Variants in CNTNAP3B observed in about 807,000 individuals in gnomAD.
CNTNAP3B encodes contactin-associated protein-like 3B.
CNTNAP3B carries 25 observed loss-of-function variants against 108.9 expected under a neutral mutation model. That is an observed-to-expected ratio of 0.23 (90% CI 0.17 to 0.32). The LOEUF is 0.32. Ranked by LOEUF, CNTNAP3B falls within the 10% of genes least tolerant of loss-of-function variation. CNTNAP3B has a pLI of 1.00. For missense variants in CNTNAP3B, 252 were observed against 1,210.4 expected (o/e 0.21, Z 11.75); for synonymous variants, 103 against 473.4 (o/e 0.22, Z 10.16).
chr9:42,116,775 A>G (rs1354295089), intron 1 of CNTNAP3B, among the ~76,000 whole-genome samples: 1 of 139,140 alleles, frequency 7.2e-6, no homozygotes, highest in Non-Finnish European at 1.5e-5. Flanking sequence ...TATTCAGCAG[A>G]CCCTGCTCAC....
At chr9:41,955,136 C>T in intron 12 of CNTNAP3B, among the ~76,000 whole-genome samples, 1 of 146,074 alleles carries the variant, frequency 6.8e-6, no homozygotes, top group Non-Finnish European at 1.5e-5. Context: ...CATTTTTGGC[C>T]ATGTGTTCAT....
At chr9:41,986,612 A>T (rs1431557069) in intron 8 of CNTNAP3B, among the ~76,000 whole-genome samples, 3 of 151,324 alleles carry the variant, frequency 2.0e-5, no homozygotes, top group Non-Finnish European at 4.4e-5. Flanking sequence ...ACAATGGGAT[A>T]AAAACAACAC....
chr9:42,031,360 C>A (rs1466113339), intron 3 of CNTNAP3B, among the ~76,000 whole-genome samples: 2 of 125,948 alleles, frequency 1.6e-5, no homozygotes, highest in Non-Finnish European at 3.3e-5. Flanking sequence ...CTCGACTCAG[C>A]TTCAATCCAC....
At chr9:41,941,891 C>A (rs1446196381) in intron 13 of CNTNAP3B, among the ~76,000 whole-genome samples, 2 of 152,014 alleles carry the variant, frequency 1.3e-5, no homozygotes, top group African/African-American at 2.4e-5. Context: ...CCATCAAGTT[C>A]TCAGAATAAA....
chr9:41,954,832 C>A (rs1361928125), intron 12 of CNTNAP3B, among the ~76,000 whole-genome samples: 1 of 152,252 alleles, frequency 6.6e-6, no homozygotes, highest in African/African-American at 2.4e-5. Flanking sequence ...TACAGGCACA[C>A]ACCACCACAC....
chr9:42,061,312 T>C (rs1160557376), intron 3 of CNTNAP3B, among the ~76,000 whole-genome samples: 1 of 95,934 alleles, frequency 1.0e-5, no homozygotes, highest in Non-Finnish European at 2.1e-5. Context: ...CTGAATTTTC[T>C]TTTTCTTTTT....
Position 42,088,519 on chromosome 9 carries a change from C to T in CNTNAP3B, c.197-11457G>A, listed in dbSNP as rs574970677. ...ATATGCTGCTGAAGCATACTCTTTG[C>T]GTAAGTAAGTAAGATTAATTTCTTT... On this transcript the variant is annotated intron_variant, in intron 2 of 23. Transcript: ENST00000377561. Among the ~76,000 whole-genome samples, 69 of 138,066 alleles carry T rather than the reference C, an allele frequency of 5.0e-4. 13 individuals are homozygous for T. In the East Asian group the frequency reaches 0.01, roughly 20 times the overall value. 90.6% of individuals were successfully genotyped at this position (138,066 alleles called of 152,430 possible).
chr9:42,051,704 AATTT>A (rs1279120386), intron 3 of CNTNAP3B, among the ~76,000 whole-genome samples: 4 of 141,086 alleles, frequency 2.8e-5, no homozygotes, highest in African/African-American at 1.1e-4. Flanking sequence ...TGTTAATGTA[AATTT>A]ATTGGCCGTT....
At chr9:42,087,496 A>G (rs1827730088) in intron 2 of CNTNAP3B, among the ~76,000 whole-genome samples, 1 of 137,966 alleles carries the variant, frequency 7.2e-6, no homozygotes, top group Non-Finnish European at 1.6e-5. Context: ...GCTGCAATAC[A>G]AGTCTGCTAT....
intron 11 of CNTNAP3B, among the ~76,000 whole-genome samples, chr9:41,963,770 A>T (rs1358080081): frequency 2.6e-5 from 4 of 152,098 alleles, no homozygotes; most frequent in Non-Finnish European, 5.9e-5. Context: ...CCTTAGCTCA[A>T]CTCCTCATCT....
intron 11 of CNTNAP3B, among the ~76,000 whole-genome samples, chr9:41,962,731 G>A (rs1393716209): frequency 1.3e-5 from 2 of 151,024 alleles, no homozygotes; most frequent in African/African-American, 2.5e-5. Flanking sequence ...CAAGGCAGGT[G>A]GATCACAAGG....
At chr9:41,924,964 C>G (rs1823773254) in intron 15 of CNTNAP3B, among the ~76,000 whole-genome samples, 1 of 151,934 alleles carries the variant, frequency 6.6e-6, no homozygotes, top group African/African-American at 2.4e-5. Context: ...GTCAAAAATA[C>G]CACAGAAGGG....
intron 11 of CNTNAP3B, among the ~76,000 whole-genome samples, chr9:41,963,992 C>T (rs1324224258): frequency 8.6e-5 from 13 of 151,358 alleles, no homozygotes; most frequent in African/African-American, 3.1e-4. Context: ...CAAAGAAAAT[C>T]ACAGTCATTG....
At chr9:41,919,260 G>C (rs1034609482) in intron 18 of CNTNAP3B, among the ~76,000 whole-genome samples, 1 of 148,436 alleles carries the variant, frequency 6.7e-6, no homozygotes, top group East Asian at 2.0e-4. Flanking sequence ...TCAGCCTCCC[G>C]AGTAGCTGGG....
At chr9:41,930,340 C>G (rs1235798057) in intron 14 of CNTNAP3B, among the ~76,000 whole-genome samples, 1 of 152,274 alleles carries the variant, frequency 6.6e-6, no homozygotes, top group Non-Finnish European at 1.5e-5. Flanking sequence ...CTCTGGAGTT[C>G]GAAACCAGCC....
At position 41,969,824 on chromosome 9, in the gene CNTNAP3B, C is replaced by T. The variant is rs543865786; in HGVS notation, c.1649+250G>A. Among the ~76,000 whole-genome samples the T allele has an allele frequency of 3.6e-3, 431 of 121,398 alleles. 8 individuals carry two copies. The highest frequency in any genetic ancestry group is 0.013 in the African/African-American group (407 of 30,466). The allele number at this position is 121,398 out of a possible 152,430, so 79.6% of individuals were successfully genotyped here. A position where few individuals can be genotyped will look rare whatever the true frequency, so the allele number is the denominator to read the frequency against. On this transcript the variant is annotated intron_variant, in intron 10 of 23. Coordinates refer to ENST00000377561, the MANE Select transcript of CNTNAP3B (RefSeq NM_001201380.3). ...TATTTTTAGTAGAGACGGGGTTTCA[C>T]CATGTTAGCCAGGATGAAGTTGATC... is the stretch of plus-strand genomic sequence containing the variant.
At position 42,116,776 on chromosome 9, in the gene CNTNAP3B, C is replaced by A. The variant is rs1263667663; in HGVS notation, c.86-12037G>T. 1.4e-5 allele frequency among the ~76,000 whole-genome samples: 2 copies of A among 138,834 alleles called. 1 individual carries two copies. The highest frequency in any genetic ancestry group is 3.1e-5 in the Non-Finnish European group (2 of 64,906). 91.1% of individuals were successfully genotyped at this position (138,834 alleles called of 152,430 possible). Reference sequence around the variant, plus strand: ...CCATCAGTGTGCTGTATTCAGCAGACCCTGCTCACGTGCAGAGACACACAT... The same window carrying A: ...CCATCAGTGTGCTGTATTCAGCAGAACCTGCTCACGTGCAGAGACACACAT... On this transcript the variant is annotated intron_variant, in intron 1 of 23. Transcript: ENST00000377561.
intron 15 of CNTNAP3B, among the ~76,000 whole-genome samples, chr9:41,925,230 G>T (rs1164229612): frequency 6.8e-6 from 1 of 147,536 alleles, no homozygotes; most frequent in Admixed American, 6.7e-5. Flanking sequence ...TATTCTGATG[G>T]CTGCCAATAG....
rs886209939 is a variant in CNTNAP3B at position 42,037,272 on chromosome 9, A to T, written c.391-23747T>A. Among the ~76,000 whole-genome samples, 57 of 93,132 alleles carry T rather than the reference A, an allele frequency of 6.1e-4. 3 individuals carry two copies. Among genetic ancestry groups the T allele is most frequent in the African/African-American group, 1.3e-3 (30 of 22,578 alleles). The allele number at this position is 93,132 out of a possible 152,430, so 61.1% of individuals were successfully genotyped here. A position where few individuals can be genotyped will look rare whatever the true frequency, so the allele number is the denominator to read the frequency against. On this transcript the variant is annotated intron_variant, in intron 3 of 23. Transcript: ENST00000377561. The stretch of plus-strand genomic sequence containing the variant: ...GTACCCTAAAACTTAAAGTATAATT[A>T]AAAAAAAAAAGAAAAAAGAAAAAAG...
Sources: allele counts gnomAD v4.1 joint callset (sites outside exome capture counted in the v4.1 genomes callset), GRCh38; gene constraint gnomAD v4.1.1; transcripts MANE v1.5; gene names NCBI Gene and HGNC (gene_info 2026-07-23, HGNC 2026-07-21).